Variants in AKR1C3 observed in about 807,000 individuals in gnomAD.
AKR1C3 encodes 3-alpha hydroxysteroid dehydrogenase, type II.
Under a neutral mutation model 43.6 loss-of-function variants are expected in AKR1C3, and 48 were observed. That is an observed-to-expected ratio of 1.10 (90% CI 0.87 to 1.40). AKR1C3 has a LOEUF of 1.40. Among genes scored for constraint, AKR1C3 ranks in the 40% most tolerant of loss-of-function variants. AKR1C3 has a pLI of 0.00. For missense variants in AKR1C3, 482 were observed against 391.2 expected (o/e 1.23, Z -1.96); for synonymous variants, 162 against 139.6 (o/e 1.16, Z -1.13).
chr10:5,058,021 C>T (rs1838299878), intron 1 of AKR1C3, among the ~76,000 whole-genome samples: 1 of 152,116 alleles, frequency 6.6e-6, no homozygotes, highest in Non-Finnish European at 1.5e-5. Flanking sequence ...GGACATGTAC[C>T]CGGGTTGGGC....
upstream of AKR1C3, among the ~76,000 whole-genome samples, chr10:5,092,311 T>G (rs1554784331): frequency 6.6e-6 from 1 of 151,994 alleles, no homozygotes; most frequent in Non-Finnish European, 1.5e-5. Context: ...TACTCACATA[T>G]TTAGATTAAT....
At chr10:5,095,705 T>C (rs1223447621) in intron 1 of AKR1C3, among the ~76,000 whole-genome samples, 1 of 150,916 alleles carries the variant, frequency 6.6e-6, no homozygotes, top group African/African-American at 2.4e-5. Context: ...CTGAAAGAGA[T>C]AGCCTTATTT....
At chr10:5,053,708 G>C (rs572468324) in intron 1 of AKR1C3, among the ~76,000 whole-genome samples, 1 of 152,334 alleles carries the variant, frequency 6.6e-6, no homozygotes, top group Non-Finnish European at 1.5e-5. Flanking sequence ...TGGGAATTTG[G>C]CCAATGACTG....
intron 1 of AKR1C3, among the ~76,000 whole-genome samples, chr10:5,082,538 T>G (rs537087595): frequency 6.6e-6 from 1 of 152,132 alleles, no homozygotes. Context: ...TCTGTTGGGA[T>G]GATCATTTTT....
At chr10:5,103,975 A>C (rs1839427818) in intron 7 of AKR1C3, among the ~76,000 whole-genome samples, 1 of 152,056 alleles carries the variant, frequency 6.6e-6, no homozygotes, top group African/African-American at 2.4e-5. Flanking sequence ...TATATGAGAT[A>C]GATTACACAT....
rs753895953 is a variant in AKR1C3 at position 5,105,588 on chromosome 10, C to T, written c.847-7C>T. On this transcript the variant is annotated splice_region_variant and splice_polypyrimidine_tract_variant and intron_variant, in intron 7 of 8. Coordinates refer to ENST00000380554, the MANE Select transcript of AKR1C3 (RefSeq NM_003739.6). ...TAAAAATAATAAAAGTTTTTTATTT[C>T]TGATAGGTTTTTGAGTTCCAGTTGA... 5.6e-6 allele frequency: 9 copies of T among 1,610,526 alleles called. No individual in the cohort carries two copies. Among genetic ancestry groups the T allele is most frequent in the Non-Finnish European group, 7.6e-6 (9 of 1,177,882 alleles).
intron 1 of AKR1C3, among the ~76,000 whole-genome samples, chr10:5,056,773 C>G (rs1281578712): frequency 6.6e-6 from 1 of 152,142 alleles, no homozygotes; most frequent in Non-Finnish European, 1.5e-5. Flanking sequence ...CTAATATATG[C>G]CTCCCTAATA....
chr10:5,051,673 C>G (rs1838157051), intron 1 of AKR1C3, among the ~76,000 whole-genome samples: 1 of 152,204 alleles, frequency 6.6e-6, no homozygotes, highest in South Asian at 2.1e-4. Context: ...CAAATATTAA[C>G]ATGGAGGACT....
At chr10:5,062,609 A>G (rs1838402109) in intron 1 of AKR1C3, among the ~76,000 whole-genome samples, 1 of 152,164 alleles carries the variant, frequency 6.6e-6, no homozygotes, top group African/African-American at 2.4e-5. Flanking sequence ...ACTAATAATT[A>G]TTTCACATCT....
intron 7 of AKR1C3, among the ~76,000 whole-genome samples, chr10:5,103,981 C>A (rs1588360816): frequency 6.6e-6 from 1 of 152,056 alleles, no homozygotes; most frequent in East Asian, 1.9e-4. Flanking sequence ...AGATAGATTA[C>A]ACATACATAC....
intron 1 of AKR1C3, chr10:5,077,731 AAG>A (rs1215755499): frequency 1.4e-5 from 17 of 1,182,530 alleles, no homozygotes; most frequent in Non-Finnish European, 1.7e-5. Context: ...TTAGAGAAAA[AAG>A]AAAAAAAAAG....
At chr10:5,101,884 C>G (rs945997547) in intron 5 of AKR1C3, among the ~76,000 whole-genome samples, 5 of 152,138 alleles carry the variant, frequency 3.3e-5, no homozygotes, top group Non-Finnish European at 7.4e-5. Context: ...GGATCTGATT[C>G]ATAGATGAGC....
chr10:5,098,901 C>T, intron 4 of AKR1C3, 22 bp downstream of exon 4: 1 of 1,573,988 alleles, frequency 6.4e-7, no homozygotes, highest in African/African-American at 1.4e-5. Context: ...GCGGAGAGGA[C>T]ACAGAGAAGG....
chr10:5,098,042 C>A lies in AKR1C3; in HGVS notation c.369+492C>A, dbSNP rs1015671115. On this transcript the variant is annotated intron_variant, in intron 3 of 8. Transcript: ENST00000380554. The stretch of plus-strand genomic sequence containing the variant: ...AAGCTTTATTATTCTGCTGCCTCTT[C>A]TTTCACAATAGAGTTTGAAGCTGTA... 2.7e-5 allele frequency: 27 copies of A among 999,132 alleles called. No homozygotes were observed. The African/African-American group carries it at 4.7e-4, about 17-fold the overall frequency. The allele number at this position is 999,132 out of a possible 1,614,324, so 61.9% of individuals were successfully genotyped here. A position where few individuals can be genotyped will look rare whatever the true frequency, so the allele number is the denominator to read the frequency against.
chr10:5,063,176 AATAAGT>A (rs1449939757), intron 1 of AKR1C3, among the ~76,000 whole-genome samples: 2 of 152,228 alleles, frequency 1.3e-5, no homozygotes, highest in Admixed American at 6.5e-5. Context: ...AATTTATACA[AATAAGT>A]ATAATTCTAA....
intron 5 of AKR1C3, among the ~76,000 whole-genome samples, chr10:5,100,240 G>C (rs551866026): frequency 6.6e-6 from 1 of 152,308 alleles, no homozygotes; most frequent in Non-Finnish European, 1.5e-5. Flanking sequence ...ATTGCGGTGA[G>C]CCGAGGTCAC....
At chr10:5,088,040 C>A (rs1839011951) in intron 1 of AKR1C3, among the ~76,000 whole-genome samples, 1 of 152,052 alleles carries the variant, frequency 6.6e-6, no homozygotes, top group South Asian at 2.1e-4. Flanking sequence ...TCATTCATTT[C>A]AAAAAATCTG....
At position 5,107,495 on chromosome 10, in the gene AKR1C3, G is replaced by A. The variant is rs1839536622; in HGVS notation, c.964G>A (p.Glu322Lys). The A allele has an allele frequency of 1.3e-6, 2 of 1,588,608 alleles. No homozygotes were observed. The highest frequency in any genetic ancestry group is 8.6e-7 in the Non-Finnish European group (1 of 1,157,408). ...CCACCCTAATTATCCATATTCAGATGAATATTAACATGGAGGGCTTTGCCT... is the reference window on the plus strand; with the variant it reads ...CCACCCTAATTATCCATATTCAGATAAATATTAACATGGAGGGCTTTGCCT... The part of the protein sequence containing the change: ...ASHPNYPYSD[E>K]Y The change falls in exon 9 of 9, where the codon GAA (glutamate) becomes AAA (lysine). Residue 322 changes from glutamate to lysine, a missense_variant. By Grantham distance (56) the Glu-to-Lys change is moderately conservative. Coordinates refer to ENST00000380554, the MANE Select transcript of AKR1C3 (RefSeq NM_003739.6).
chr10:5,081,524 G>A (rs1235419525), intron 1 of AKR1C3, among the ~76,000 whole-genome samples: 1 of 152,168 alleles, frequency 6.6e-6, no homozygotes, highest in Non-Finnish European at 1.5e-5. Context: ...ATATTTTGTG[G>A]TTAATGACAT....
Sources: allele counts gnomAD v4.1 joint callset (sites outside exome capture counted in the v4.1 genomes callset), GRCh38; gene constraint gnomAD v4.1.1; transcripts MANE v1.5; gene names NCBI Gene and HGNC (gene_info 2026-07-23, HGNC 2026-07-21).